MED14: variants seen among roughly 807,000 people sequenced by gnomAD.
MED14 encodes mediator complex subunit 14, also known as mediator of RNA polymerase II transcription subunit 14.
MED14 carries 8 observed loss-of-function variants against 109.0 expected under a neutral mutation model. That is an observed-to-expected ratio of 0.07 (90% CI 0.04 to 0.13). MED14 has a LOEUF of 0.13. MED14 is among the 10% of genes least tolerant of loss of function. The pLI, the probability that MED14 is intolerant of heterozygous loss-of-function variation, is 1.00. For missense variants in MED14, 711 were observed against 1,142.4 expected, an observed-to-expected ratio of 0.62 and a Z score of 5.44; for synonymous variants, 399 against 408.7, an observed-to-expected ratio of 0.98 and a Z score of 0.29.
intron 3 of MED14, among the ~76,000 whole-genome samples, chrX:40,723,667 GAAAAAAAA>G (rs56676419): frequency 1.7e-4 from 3 of 17,999 alleles, no homozygotes; most frequent in Non-Finnish European, 2.6e-4. Context: ...CTCCGTCTCA[GAAAAAAAA>G]AAAAAAAAAA....
intron 28 of MED14, among the ~76,000 whole-genome samples, chrX:40,657,358 T>C (rs182455857): frequency 3.1e-4 from 35 of 111,495 alleles, no homozygotes; most frequent in Non-Finnish European, 5.1e-4. Flanking sequence ...AATATGACTG[T>C]TGTCCTTTAT....
At position 40,723,388 on chromosome X, in the gene MED14, G is replaced by C. The variant is rs111483195; in HGVS notation, c.348+3358C>G. ...CAAATCAAAAACCATACAATGGGCC[G>C]GGCGCGGTGGCTCACGCCTGTAATC... On this transcript the variant is annotated intron_variant, in intron 3 of 30. Transcript: ENST00000324817. 8.5e-3 allele frequency among the ~76,000 whole-genome samples: 944 copies of C among 111,203 alleles called. 11 individuals carry two copies. Among genetic ancestry groups the C allele is most frequent in the African/African-American group, 0.029 (902 of 30,631 alleles).
intron 21 of MED14, among the ~76,000 whole-genome samples, chrX:40,678,516 T>C (rs1929993430): frequency 9.0e-6 from 1 of 111,155 alleles, no homozygotes; most frequent in Admixed American, 9.6e-5. Context: ...CTAATCAAAA[T>C]TGCTACCTAA....
chrX:40,663,083 T>C lies in MED14; in HGVS notation c.3526A>G (p.Ile1176Val). The C allele has an allele frequency of 8.3e-7, 1 of 1,211,522 alleles. No individual in the cohort carries two copies. Among genetic ancestry groups the C allele is most frequent in the Non-Finnish European group, 1.1e-6 (1 of 895,311 alleles). Residue 1176 changes from isoleucine to valine, a missense_variant, in exon 26 of 31, where the codon ATC becomes GTC. Ile to Val is a conservative substitution (Grantham distance 29). Transcript: ENST00000324817. Reference sequence around the variant, plus strand: ...ATGTTCAAGGCACTGTGAGTGAGGATGGTAGGTATGGATGCCGCCCAAGAG... The same window carrying C: ...ATGTTCAAGGCACTGTGAGTGAGGACGGTAGGTATGGATGCCGCCCAAGAG... ...QRSWAASIPT[I>V]LTHSALNILL...
chrX:40,722,573 A>G (rs2146732172), intron 3 of MED14, among the ~76,000 whole-genome samples: 1 of 111,694 alleles, frequency 9.0e-6, no homozygotes, highest in East Asian at 2.8e-4. Context: ...ATAACAACAG[A>G]AAACTTCCCA....
chrX:40,727,951 CA>C (rs759711790), intron 2 of MED14, among the ~76,000 whole-genome samples: 1 of 112,058 alleles, frequency 8.9e-6, no homozygotes, highest in African/African-American at 3.2e-5. Flanking sequence ...AAAAATCGGC[CA>C]GCAATATGAT....
chrX:40,719,582 T>C (rs1350065387), intron 3 of MED14, among the ~76,000 whole-genome samples: 1 of 111,871 alleles, frequency 8.9e-6, no homozygotes, highest in Non-Finnish European at 1.9e-5. Flanking sequence ...TCCATTTATA[T>C]GAAATGTTCA....
chrX:40,669,112 T>A (rs945011213), intron 23 of MED14, among the ~76,000 whole-genome samples: 10 of 111,615 alleles, frequency 9.0e-5, no homozygotes, highest in African/African-American at 3.3e-4. Context: ...TTTTCCTCCA[T>A]AAAATGTGAA....
chrX:40,673,508 G>A (rs1929798731), intron 22 of MED14, among the ~76,000 whole-genome samples: 1 of 111,999 alleles, frequency 8.9e-6, no homozygotes, highest in South Asian at 3.7e-4. Flanking sequence ...GTTACTGGGT[G>A]TATATTGCTC....
intron 1 of MED14, 126 bp from the exon 2 acceptor site, chrX:40,729,471 G>T: frequency 3.4e-6 from 2 of 589,691 alleles, no homozygotes; most frequent in Non-Finnish European, 5.1e-6. Flanking sequence ...AGCTACTACA[G>T]GCTCATGTAG....
Position 40,649,093 on chromosome X carries a change from A to G in MED14, c.*2713T>C, listed in dbSNP as rs1178245518. 2.7e-5 allele frequency: 3 copies of G among 112,234 alleles called. No individual in the cohort carries two copies. The highest frequency in any genetic ancestry group is 9.7e-5 in the African/African-American group (3 of 30,836). 9.2% of individuals were successfully genotyped at this position (112,234 alleles called of 1,213,427 possible). A position where few individuals can be genotyped will look rare whatever the true frequency, so the allele number is the denominator to read the frequency against. On this transcript the variant is annotated 3_prime_UTR_variant, in exon 31 of 31. Coordinates refer to ENST00000324817, the MANE Select transcript of MED14 (RefSeq NM_004229.4). Reference sequence around the variant, plus strand: ...GGCACTTCTTTTGGGGGGAAAAACTATGAAAGGAACAACTTTTTATATTGA... The same window carrying G: ...GGCACTTCTTTTGGGGGGAAAAACTGTGAAAGGAACAACTTTTTATATTGA...
intron 1 of MED14, 50 bp downstream of exon 1, chrX:40,735,148 T>C (rs1360608562): frequency 2.2e-6 from 2 of 892,991 alleles, no homozygotes; most frequent in Admixed American, 3.9e-5. Flanking sequence ...TCTCAGCCGG[T>C]TGGGCGGGAA....
At chrX:40,689,167 C>T (rs1366987369) in intron 15 of MED14, among the ~76,000 whole-genome samples, 1 of 112,306 alleles carries the variant, frequency 8.9e-6, no homozygotes, top group Non-Finnish European at 1.9e-5. Context: ...TAAAGAAATG[C>T]TTGCCTTTGG....
Position 40,664,267 on chromosome X carries a change from T to C in MED14, c.3448+40A>G, listed in dbSNP as rs372719464. The stretch of plus-strand genomic sequence containing the variant: ...ATGCAACAAGATAGGTCACTTTGGG[T>C]TATACTAAAAAAGAACATAAAAATG... On this transcript the variant is annotated intron_variant, in intron 25 of 30. Coordinates refer to ENST00000324817, the MANE Select transcript of MED14 (RefSeq NM_004229.4). The C allele has an allele frequency of 1.1e-5, 13 of 1,153,560 alleles. No homozygotes were observed. In the African/African-American group the frequency reaches 2.2e-4, roughly 19 times the overall value.
intron 3 of MED14, among the ~76,000 whole-genome samples, chrX:40,715,221 C>A (rs757464571): frequency 9.0e-6 from 1 of 111,344 alleles, no homozygotes; most frequent in Non-Finnish European, 1.9e-5. Context: ...AAGTTGTTCT[C>A]TGTATTAAGA....
intron 21 of MED14, among the ~76,000 whole-genome samples, chrX:40,678,248 C>T (rs192354226): frequency 9.0e-6 from 1 of 111,467 alleles, no homozygotes; most frequent in East Asian, 2.8e-4. Flanking sequence ...AGGTCAGAGG[C>T]CTATTGAAGA....
intron 1 of MED14, among the ~76,000 whole-genome samples, chrX:40,732,071 G>A (rs1602499762): frequency 8.9e-6 from 1 of 112,560 alleles, no homozygotes; most frequent in Non-Finnish European, 1.9e-5. Context: ...AAGGGGCAGA[G>A]TACTATTTTA....
chrX:40,654,606 T>G (rs766557846), intron 29 of MED14, 50 bp from the exon 30 acceptor site: 1 of 1,113,628 alleles, frequency 9.0e-7, no homozygotes, highest in South Asian at 2.0e-5. Flanking sequence ...ATAAAACATC[T>G]GTCTAAATGT....
At chrX:40,709,798 T>C (rs1195224804) in intron 9 of MED14, among the ~76,000 whole-genome samples, 181 bp downstream of exon 9, 2 of 111,677 alleles carry the variant, frequency 1.8e-5, no homozygotes, top group Non-Finnish European at 3.8e-5. Context: ...AAAAATTATA[T>C]ATTATAGTAT....
Sources: gnomAD v4.1 joint callset for allele counts (sites outside exome capture counted in the v4.1 genomes callset) on GRCh38, gnomAD v4.1.1 for gene constraint, MANE v1.5 for transcripts, NCBI Gene and HGNC (gene_info 2026-07-23, HGNC 2026-07-21) for gene names.